LSAMP: variants seen among roughly 807,000 people sequenced by gnomAD.
LSAMP encodes the protein limbic system associated membrane protein.
LSAMP carries 7 observed loss-of-function variants against 38.6 expected under a neutral mutation model. That is an observed-to-expected ratio of 0.18 (90% CI 0.10 to 0.34). LSAMP has a LOEUF of 0.34. LSAMP is among the 10% of genes least tolerant of loss of function. The pLI, the probability that LSAMP is intolerant of heterozygous loss-of-function variation, is 1.00. For synonymous variants in LSAMP, 154 were observed against 166.8 expected, an observed-to-expected ratio of 0.92 and a Z score of 0.59; for missense variants, 313 against 420.0, an observed-to-expected ratio of 0.75 and a Z score of 2.23.
intron 1 of LSAMP, among the ~76,000 whole-genome samples, chr3:116,205,177 G>A (rs1001102223): frequency 0.01 from 1,524 of 148,854 alleles, 37 homozygotes; most frequent in African/African-American, 0.035. Context: ...GTGAATGGGA[G>A]TTCACTCATG....
chr3:116,183,375 T>C (rs549335627), intron 1 of LSAMP, among the ~76,000 whole-genome samples: 1 of 151,990 alleles, frequency 6.6e-6, no homozygotes, highest in Non-Finnish European at 1.5e-5. Flanking sequence ...AGTAAGACAA[T>C]GACCTTGAAA....
chr3:115,955,426 A>G (rs149339010), intron 3 of LSAMP, among the ~76,000 whole-genome samples: 1 of 152,284 alleles, frequency 6.6e-6, no homozygotes, highest in East Asian at 1.9e-4. Context: ...TCATGAAAAT[A>G]GTTGTGGTAT....
intron 3 of LSAMP, among the ~76,000 whole-genome samples, chr3:115,998,197 G>C (rs1199218487): frequency 1.3e-5 from 2 of 151,878 alleles, no homozygotes; most frequent in Non-Finnish European, 2.9e-5. Flanking sequence ...GTGATAGAGA[G>C]TGACCAAATT....
At chr3:116,329,935 A>T (rs2047826180) in intron 1 of LSAMP, among the ~76,000 whole-genome samples, 1 of 152,214 alleles carries the variant, frequency 6.6e-6, no homozygotes, top group African/African-American at 2.4e-5. Context: ...TTAATGTGTC[A>T]TTCAATATAG....
intron 2 of LSAMP, among the ~76,000 whole-genome samples, chr3:116,072,686 TA>T (rs1707638549): frequency 6.6e-6 from 1 of 151,946 alleles, no homozygotes. Context: ...GTTGACTGCA[TA>T]AATGTTTTCT....
chr3:116,025,056 T>C (rs1378229565), intron 2 of LSAMP, among the ~76,000 whole-genome samples: 1 of 151,978 alleles, frequency 6.6e-6, no homozygotes, highest in East Asian at 1.9e-4. Flanking sequence ...AATACTCTTA[T>C]TTGAATCAGC....
rs1435662943 is a variant in LSAMP at position 115,809,327 on chromosome 3, TGGAA to T, written c.*986_*989del. On this transcript the variant is annotated 3_prime_UTR_variant, in exon 7 of 7. Coordinates refer to ENST00000490035, the MANE Select transcript of LSAMP (RefSeq NM_002338.5). ...TAGGAGGAATATGGGGTCCTGCCCT[TGGAA>T]GGAGCATAGCTTGGTTTGAATACAC... The T allele has an allele frequency of 6.6e-6, 1 of 152,218 alleles. No individual in the cohort carries two copies. The highest frequency in any genetic ancestry group is 1.5e-5 in the Non-Finnish European group (1 of 68,064). 9.4% of individuals were successfully genotyped at this position (152,218 alleles called of 1,614,324 possible). A position where few individuals can be genotyped will look rare whatever the true frequency, so the allele number is the denominator to read the frequency against.
At chr3:115,838,714 A>T (rs6804895) in intron 6 of LSAMP, among the ~76,000 whole-genome samples, 7,315 of 152,232 alleles carry the variant, frequency 0.048, 576 homozygotes, top group African/African-American at 0.17. Context: ...GGAAAAATTT[A>T]CTATGAATAC....
In LSAMP at chr3:116,445,091, A is replaced by C; in HGVS notation, c.-60T>G. ...TCTGGAGGGGTGCGCGCTGCTCGCG[A>C]GGAGAGGCTTCACCAACACGGGGCT... On this transcript the variant is annotated 5_prime_UTR_variant, in exon 1 of 7. Coordinates refer to ENST00000490035, the MANE Select transcript of LSAMP (RefSeq NM_002338.5). The C allele has an allele frequency of 1.3e-6, 2 of 1,534,656 alleles. No homozygotes were observed. Among genetic ancestry groups the C allele is most frequent in the Non-Finnish European group, 1.8e-6 (2 of 1,131,596 alleles).
intron 3 of LSAMP, among the ~76,000 whole-genome samples, chr3:115,952,280 A>C (rs1938317014): frequency 1.3e-5 from 2 of 152,242 alleles, no homozygotes; most frequent in South Asian, 4.1e-4. Flanking sequence ...TGTTTATAGC[A>C]GCAGAATTCA....
At chr3:116,005,874 G>A (rs140674556) in intron 3 of LSAMP, among the ~76,000 whole-genome samples, 8 of 152,324 alleles carry the variant, frequency 5.3e-5, no homozygotes, top group Middle Eastern at 3.4e-3. Context: ...GGGGTGAGGA[G>A]CTAGCAATAG....
chr3:115,997,452 G>A (rs1256539290), intron 3 of LSAMP, among the ~76,000 whole-genome samples: 1 of 151,836 alleles, frequency 6.6e-6, no homozygotes. Flanking sequence ...TAAGGGGTGT[G>A]TGTGAGCTAA....
At chr3:116,228,499 G>A (rs927356005) in intron 1 of LSAMP, among the ~76,000 whole-genome samples, 5 of 152,038 alleles carry the variant, frequency 3.3e-5, no homozygotes, top group South Asian at 4.1e-4. Context: ...GAGGGTATAC[G>A]TAACATAGTG....
intron 3 of LSAMP, among the ~76,000 whole-genome samples, chr3:115,897,695 G>T (rs970675431): frequency 6.6e-6 from 1 of 152,128 alleles, no homozygotes; most frequent in East Asian, 1.9e-4. Context: ...AAAGAAGGGT[G>T]TGTGACAGTT....
intron 1 of LSAMP, among the ~76,000 whole-genome samples, chr3:116,334,918 T>G (rs749135630): frequency 6.6e-6 from 1 of 152,010 alleles, no homozygotes; most frequent in African/African-American, 2.4e-5. Flanking sequence ...ATAAAATGAA[T>G]CCATATTGGA....
At chr3:116,005,961 G>A (rs1010167327) in intron 3 of LSAMP, among the ~76,000 whole-genome samples, 8 of 152,068 alleles carry the variant, frequency 5.3e-5, no homozygotes, top group Non-Finnish European at 8.8e-5. Context: ...TACCTCTAAG[G>A]TATAGCAGTC....
intron 1 of LSAMP, among the ~76,000 whole-genome samples, chr3:116,227,227 C>T (rs2046352453): frequency 1.3e-5 from 2 of 152,190 alleles, no homozygotes; most frequent in Non-Finnish European, 2.9e-5. Context: ...TACTGTACTA[C>T]ACTCAAGTAG....
At chr3:115,827,333 C>T (rs564573907) in intron 6 of LSAMP, among the ~76,000 whole-genome samples, 2 of 114,544 alleles carry the variant, frequency 1.7e-5, no homozygotes, top group African/African-American at 5.2e-5. Context: ...TTATTTTCTA[C>T]TGCTTTTTTT....
chr3:116,342,212 G>T (rs1232380883), intron 1 of LSAMP, among the ~76,000 whole-genome samples: 1 of 152,008 alleles, frequency 6.6e-6, no homozygotes, highest in Non-Finnish European at 1.5e-5. Context: ...GAGCAGTTGG[G>T]AGTTGTTACT....
Sources: allele counts gnomAD v4.1 joint callset (sites outside exome capture counted in the v4.1 genomes callset), GRCh38; gene constraint gnomAD v4.1.1; transcripts MANE v1.5; gene names NCBI Gene and HGNC (gene_info 2026-07-23, HGNC 2026-07-21).